The following NUMB variants were observed in gnomAD, a reference collection of about 807,000 sequenced individuals.
The protein encoded by NUMB is NUMB endocytic adaptor protein, also known as protein numb homolog.
Under a neutral mutation model 59.7 loss-of-function variants are expected in NUMB, and 29 were observed. That is an observed-to-expected ratio of 0.49 (90% CI 0.36 to 0.66). The LOEUF is 0.66. Ranked by LOEUF, NUMB falls within the 30% of genes least tolerant of loss-of-function variation. The pLI, the probability that NUMB is intolerant of heterozygous loss-of-function variation, is 0.00. For missense variants in NUMB, 723 were observed against 822.0 expected, an observed-to-expected ratio of 0.88 and a Z score of 1.47; for synonymous variants, 288 against 288.2, an observed-to-expected ratio of 1.00 and a Z score of 0.01.
chr14:73,353,088 T>C lies in NUMB; in HGVS notation c.126+2538A>G, dbSNP rs975831958. ...GTTTTTCTTGTTTTTTTTTTTTTTT[T>C]TTTTTTTTTTTTTGAGACAGAGTCT... On this transcript the variant is annotated intron_variant, in intron 4 of 12. Coordinates refer to ENST00000555238, the MANE Select transcript of NUMB (RefSeq NM_001005743.2). Among the ~76,000 whole-genome samples the C allele has an allele frequency of 2.7e-5, 3 of 112,788 alleles. 1 individual carries two copies. The highest frequency in any genetic ancestry group is 9.7e-5 in the African/African-American group (3 of 30,802). The allele number at this position is 112,788 out of a possible 152,430, so 74.0% of individuals were successfully genotyped here. A position where few individuals can be genotyped will look rare whatever the true frequency, so the allele number is the denominator to read the frequency against.
chr14:73,364,838 A>G (rs767312400), intron 3 of NUMB, among the ~76,000 whole-genome samples: 1 of 152,074 alleles, frequency 6.6e-6, no homozygotes, highest in African/African-American at 2.4e-5. Flanking sequence ...GGGTCTTGCT[A>G]TGTTGCCCAG....
At chr14:73,329,115 G>A (rs1444906571) in intron 4 of NUMB, among the ~76,000 whole-genome samples, 4 of 152,174 alleles carry the variant, frequency 2.6e-5, no homozygotes, top group African/African-American at 9.7e-5. Context: ...TGATCCACCC[G>A]CCTCGGCCTC....
chr14:73,354,947 T>G (rs1208268040), intron 4 of NUMB, among the ~76,000 whole-genome samples: 5 of 152,178 alleles, frequency 3.3e-5, no homozygotes, highest in Non-Finnish European at 7.3e-5. Flanking sequence ...TCTATTTTTT[T>G]GCCCCCACAT....
intron 2 of NUMB, among the ~76,000 whole-genome samples, chr14:73,380,884 C>T (rs1037017254): frequency 9.2e-5 from 14 of 151,952 alleles, no homozygotes; most frequent in African/African-American, 3.1e-4. Context: ...GCTACCACAC[C>T]CAGCTAATTT....
intron 2 of NUMB, among the ~76,000 whole-genome samples, chr14:73,390,331 TG>T (rs1461783072): frequency 6.6e-6 from 1 of 152,188 alleles, no homozygotes; most frequent in East Asian, 1.9e-4. Context: ...AGAGGGCAAA[TG>T]TAGTTTGAAA....
chr14:73,372,313 A>ATATATATATATATAACCTTT (rs1894725195), intron 2 of NUMB, among the ~76,000 whole-genome samples: 1 of 98,704 alleles, frequency 1.0e-5, no homozygotes, highest in African/African-American at 4.3e-5. Context: ...TTTTATATAT[A>ATATATATATATATAACCTTT]TATATATATA....
chr14:73,382,539 C>T (rs1225934541), intron 2 of NUMB, among the ~76,000 whole-genome samples: 1 of 151,848 alleles, frequency 6.6e-6, no homozygotes, highest in Non-Finnish European at 1.5e-5. Context: ...CTGACACATA[C>T]CCTAGGTACC....
intron 1 of NUMB, among the ~76,000 whole-genome samples, chr14:73,451,372 G>A (rs1319082208): frequency 1.3e-5 from 2 of 151,398 alleles, no homozygotes; most frequent in African/African-American, 4.9e-5. Context: ...ACAAGGCGGA[G>A]GTTGCAGTGA....
chr14:73,376,210 G>A (rs1009820493), intron 2 of NUMB, among the ~76,000 whole-genome samples: 1 of 152,084 alleles, frequency 6.6e-6, no homozygotes, highest in African/African-American at 2.4e-5. Context: ...CAAGGTTACA[G>A]GACACAAGGT....
intron 4 of NUMB, among the ~76,000 whole-genome samples, chr14:73,350,573 G>T (rs1477583205): frequency 6.6e-6 from 1 of 150,580 alleles, no homozygotes; most frequent in Non-Finnish European, 1.5e-5. Context: ...TTTGAGACAG[G>T]GTCTCGCTCT....
At chr14:73,383,886 C>T (rs987522529) in intron 2 of NUMB, among the ~76,000 whole-genome samples, 6 of 151,910 alleles carry the variant, frequency 3.9e-5, no homozygotes, top group African/African-American at 7.2e-5. Context: ...CATGGTGGGA[C>T]GCGCCTATAG....
intron 1 of NUMB, among the ~76,000 whole-genome samples, chr14:73,430,458 C>T (rs1160331968): frequency 1.3e-5 from 2 of 151,718 alleles, no homozygotes; most frequent in East Asian, 3.9e-4. Context: ...CAGTGAGATG[C>T]CATTTCTATA....
rs1566773800 is a variant in NUMB at position 73,386,864 on chromosome 14, C to CTTT, written c.-100-19884_-100-19883insAAA. Among the ~76,000 whole-genome samples the CTTT allele has an allele frequency of 9.6e-4, 71 of 73,752 alleles. 2 individuals are homozygous for CTTT. Among genetic ancestry groups the CTTT allele is most frequent in the African/African-American group, 3.1e-3 (57 of 18,134 alleles). 48.4% of individuals were successfully genotyped at this position (73,752 alleles called of 152,430 possible). A position where few individuals can be genotyped will look rare whatever the true frequency, so the allele number is the denominator to read the frequency against. The stretch of plus-strand genomic sequence containing the variant: ...TAATACAAGACAATCTATCAGGTGT[C>CTTT]TTATTTTTTTTTTTTTTTTTTTTTT... On this transcript the variant is annotated intron_variant, in intron 2 of 12. Transcript: ENST00000555238.
At chr14:73,287,047 C>A in intron 9 of NUMB, 63 bp downstream of exon 9, 1 of 1,511,816 alleles carries the variant, frequency 6.6e-7, no homozygotes, top group Middle Eastern at 1.7e-4. Flanking sequence ...CTGGTAGCTT[C>A]AAAATAATAC....
intron 4 of NUMB, among the ~76,000 whole-genome samples, chr14:73,333,585 A>C (rs11847133): frequency 0.058 from 8,882 of 151,832 alleles, 728 homozygotes; most frequent in African/African-American, 0.19. Flanking sequence ...ATTAGGTTGT[A>C]TTTTTTGTTG....
intron 7 of NUMB, among the ~76,000 whole-genome samples, chr14:73,296,556 A>C (rs1213526646): frequency 6.6e-6 from 1 of 152,226 alleles, no homozygotes; most frequent in Non-Finnish European, 1.5e-5. Flanking sequence ...TCATAAAGTA[A>C]ATGAGTAACT....
chr14:73,288,353 C>A (rs1889150377), intron 8 of NUMB, among the ~76,000 whole-genome samples: 1 of 151,666 alleles, frequency 6.6e-6, no homozygotes, highest in Admixed American at 6.6e-5. Context: ...GAGCTCGAGA[C>A]CAGCCTGCCC....
chr14:73,350,927 C>T lies in NUMB; in HGVS notation c.126+4699G>A, dbSNP rs74373090. ...CTACCATTATCTATCCTTTGAATTA[C>T]TGTGATAATATTTTGCTAGGCTCCT... On this transcript the variant is annotated intron_variant, in intron 4 of 12. Transcript: ENST00000555238. Among the ~76,000 whole-genome samples, 1,037 of 152,278 alleles carry T rather than the reference C, an allele frequency of 6.8e-3. 5 individuals are homozygous for T. Among genetic ancestry groups the T allele is most frequent in the South Asian group, 0.03 (143 of 4,822 alleles).
rs188922455 is a variant in NUMB, at chr14:73,423,487, C to G, written c.-232-13419G>C. Among the ~76,000 whole-genome samples, 536 of 152,038 alleles carry G rather than the reference C, an allele frequency of 3.5e-3. 12 individuals are homozygous for G. The highest frequency in any genetic ancestry group is 0.031 in the Admixed American group (470 of 15,264). The stretch of plus-strand genomic sequence containing the variant: ...AAAAGCCCATCTCTACTAAAAAATA[C>G]AAAAATCAGCTGGGCGTGGTGGCTG... On this transcript the variant is annotated intron_variant, in intron 1 of 12. Coordinates refer to ENST00000555238, the MANE Select transcript of NUMB (RefSeq NM_001005743.2).
Sources: allele counts gnomAD v4.1 joint callset (sites outside exome capture counted in the v4.1 genomes callset), GRCh38; gene constraint gnomAD v4.1.1; transcripts MANE v1.5; gene names NCBI Gene and HGNC (gene_info 2026-07-23, HGNC 2026-07-21).